PARVB: variants seen among roughly 807,000 people sequenced by gnomAD.
PARVB encodes the protein beta-parvin.
In PARVB, 46 loss-of-function variants were observed where a neutral mutation model predicts 47.0. The ratio of observed to expected loss-of-function variants is 0.98; its 90% CI spans 0.77 to 1.25. The LOEUF (loss-of-function observed/expected upper bound fraction) is 1.25, where lower values mean the gene tolerates loss of function less well. PARVB is among the 50% of genes most tolerant of loss of function. The pLI is 0.00. For missense variants in PARVB, 473 were observed against 471.6 expected, an observed-to-expected ratio of 1.00 and a Z score of -0.03; for synonymous variants, 196 against 196.3, an observed-to-expected ratio of 1.00 and a Z score of 0.01.
chr22:44,158,227 G>A (rs1257255687), intron 11 of PARVB, 144 bp downstream of exon 11: 2 of 604,308 alleles, frequency 3.3e-6, no homozygotes, highest in Non-Finnish European at 2.9e-6. Context: ...GCAATTAGAT[G>A]TAACTCTCAG....
rs1601667318 is a variant in PARVB at position 44,139,974 on chromosome 22, T to C, written c.693-150T>C. The C allele has an allele frequency of 1.4e-5, 4 of 278,838 alleles. No individual in the cohort carries two copies. The East Asian group carries it at 2.5e-4, about 17-fold the overall frequency. The allele number at this position is 278,838 out of a possible 1,614,324, so 17.3% of individuals were successfully genotyped here. On this transcript the variant is annotated intron_variant, in intron 7 of 12. Coordinates refer to ENST00000338758, the MANE Select transcript of PARVB (RefSeq NM_013327.5). ...TAGAGCAGGCTGGAACACAGCACCATGTGACTTGCGTTCTTATCAGTAGGC... is the reference window on the plus strand; with the variant it reads ...TAGAGCAGGCTGGAACACAGCACCACGTGACTTGCGTTCTTATCAGTAGGC...
chr22:44,078,156 C>T (rs1034771494), intron 1 of PARVB, among the ~76,000 whole-genome samples: 2 of 152,142 alleles, frequency 1.3e-5, no homozygotes, highest in African/African-American at 2.4e-5. Context: ...CTGTTTGCAT[C>T]CTTAGCTCAG....
intron 6 of PARVB, among the ~76,000 whole-genome samples, chr22:44,134,504 A>C (rs2147169536): frequency 6.6e-6 from 1 of 152,324 alleles, no homozygotes; most frequent in South Asian, 2.1e-4. Context: ...CGGTTTGCAG[A>C]AAGTTTGAAC....
At chr22:44,165,541 C>T (rs750477778) in intron 12 of PARVB, among the ~76,000 whole-genome samples, 85 of 152,302 alleles carry the variant, frequency 5.6e-4, no homozygotes, top group East Asian at 9.7e-4. Flanking sequence ...GCTAGAGGCC[C>T]GAGGGATGCT....
chr22:44,068,927 G>T lies in PARVB; in HGVS notation c.113-25001G>T, dbSNP rs1300615015. The T allele has an allele frequency of 8.7e-6, 5 of 575,922 alleles. No individual in the cohort carries two copies. The highest frequency in any genetic ancestry group is 1.5e-5 in the Non-Finnish European group (5 of 322,966). 35.7% of individuals were successfully genotyped at this position (575,922 alleles called of 1,614,324 possible). On this transcript the variant is annotated intron_variant, in intron 1 of 12. Transcript: ENST00000338758. The surrounding 1 kb of genome is among the most constrained non-coding windows in gnomAD (Gnocchi z 4.1). ...CATGAGGCTGATGGGAGTCAAGACA[G>T]AAATAGTGGTCTGTGGTCAGCAAGG... is the stretch of plus-strand genomic sequence containing the variant.
At chr22:44,036,708 C>T (rs1179266742) in intron 1 of PARVB, among the ~76,000 whole-genome samples, 2 of 152,154 alleles carry the variant, frequency 1.3e-5, no homozygotes, top group East Asian at 3.8e-4. Context: ...TGGCTCATGC[C>T]TGTAATCCCA....
At chr22:44,102,621 C>T (rs2052475044) in intron 3 of PARVB, among the ~76,000 whole-genome samples, 1 of 151,926 alleles carries the variant, frequency 6.6e-6, no homozygotes, top group African/African-American at 2.4e-5. Context: ...GGGGGAATCA[C>T]TTGAGCCCAG....
intron 2 of PARVB, among the ~76,000 whole-genome samples, chr22:44,000,936 T>C (rs1463178427): frequency 2.6e-5 from 4 of 152,226 alleles, no homozygotes; most frequent in African/African-American, 9.7e-5. Flanking sequence ...TGTCAACATG[T>C]CTTCATTATG....
At chr22:44,123,913 T>C (rs2053129605) in intron 4 of PARVB, among the ~76,000 whole-genome samples, 1 of 152,250 alleles carries the variant, frequency 6.6e-6, no homozygotes, top group African/African-American at 2.4e-5. Flanking sequence ...CCTGGCACAG[T>C]GCCTGGCACA....
intron 1 of PARVB, among the ~76,000 whole-genome samples, chr22:44,062,942 G>T: frequency 6.6e-6 from 1 of 152,206 alleles, no homozygotes; most frequent in East Asian, 1.9e-4. Flanking sequence ...CCTTTCTGGA[G>T]GGTGGGGTTG....
At chr22:44,086,755 T>C in intron 1 of PARVB, 1 of 985,480 alleles carries the variant, frequency 1.0e-6, no homozygotes, top group Non-Finnish European at 1.2e-6. Context: ...AAGAAGACCT[T>C]CGTGCCTGAT....
chr22:44,094,102 C>T (rs1040789753), intron 2 of PARVB, 85 bp downstream of exon 2: 20 of 719,174 alleles, frequency 2.8e-5, no homozygotes, highest in East Asian at 5.3e-5. Flanking sequence ...ATGAGGAGCC[C>T]GATAGATCTG....
At chr22:44,063,554 A>C (rs945397326) in intron 1 of PARVB, among the ~76,000 whole-genome samples, 1 of 152,032 alleles carries the variant, frequency 6.6e-6, no homozygotes, top group Non-Finnish European at 1.5e-5. Flanking sequence ...ATTATTTTAC[A>C]AGCACTTGCG....
At chr22:44,097,041 G>A (rs936362820) in intron 2 of PARVB, among the ~76,000 whole-genome samples, 1 of 152,034 alleles carries the variant, frequency 6.6e-6, no homozygotes, top group Admixed American at 6.5e-5. Context: ...TGGGCTCCTC[G>A]AGGGGTCCTG....
rs2054226817 is a variant in PARVB at position 44,168,607 on chromosome 22, G to C, written c.1024G>C (p.Val342Leu). ...TTCTCTGTTTCCTTCTGCAGACGTG[G>C]TTAACTTGGACCTCAAATCCACCCT... ...KKPKARPEDV[V>L]NLDLKSTLRV... Residue 342 changes from valine (V) to leucine (L), a missense_variant, in exon 13 of 13, where the codon GTT becomes CTT. Physicochemically the swap from Val to Leu is conservative, Grantham distance 32 (BLOSUM62 1). Transcript: ENST00000338758. The C allele has an allele frequency of 3.1e-6, 5 of 1,610,966 alleles. No individual in the cohort carries two copies. The East Asian group carries it at 1.1e-4, about 36-fold the overall frequency.
rs1334191304 is a variant in PARVB, at chr22:44,026,225, G to A, written c.112+1774G>A. On this transcript the variant is annotated intron_variant, in intron 1 of 12. Transcript: ENST00000338758. ...CTTCTCCTCCTTGCCTGTATGAATT[G>A]ATGTGTGTCTAGAAAATTCAGGCCC... 1.1e-5 allele frequency: 8 copies of A among 703,636 alleles called. No homozygotes were observed. In the East Asian group the frequency reaches 1.1e-3, roughly 94 times the overall value. The allele number at this position is 703,636 out of a possible 1,614,324, so 43.6% of individuals were successfully genotyped here. A position where few individuals can be genotyped will look rare whatever the true frequency, so the allele number is the denominator to read the frequency against.
chr22:44,093,170 C>T (rs2052213731), intron 1 of PARVB, among the ~76,000 whole-genome samples: 1 of 152,194 alleles, frequency 6.6e-6, no homozygotes, highest in South Asian at 2.1e-4. Flanking sequence ...GTTTTGGCAC[C>T]TGGTGTCTGT....
intron 1 of PARVB, among the ~76,000 whole-genome samples, chr22:44,029,771 G>A (rs1040456579): frequency 3.3e-5 from 5 of 152,222 alleles, no homozygotes; most frequent in African/African-American, 7.2e-5. Context: ...TTAGCCGGGC[G>A]TGGTGGCACA....
intron 3 of PARVB, chr22:44,106,728 G>A (rs1416914830): frequency 6.6e-6 from 1 of 151,594 alleles, no homozygotes; most frequent in African/African-American, 2.4e-5. Flanking sequence ...GTCTCCCCTA[G>A]TAGACACCCC....
Sources: gnomAD v4.1 joint callset for allele counts (sites outside exome capture counted in the v4.1 genomes callset) on GRCh38, gnomAD v4.1.1 for gene constraint, Gnocchi (gnomAD v3.1) non-coding constraint, MANE v1.5 for transcripts, NCBI Gene and HGNC (gene_info 2026-07-23, HGNC 2026-07-21) for gene names.